The following PDE9A variants were observed in gnomAD, a reference collection of about 807,000 sequenced individuals.
PDE9A encodes the protein high affinity cGMP-specific 3',5'-cyclic phosphodiesterase 9A.
A neutral mutation model predicts 87.4 loss-of-function variants in PDE9A; 60 were observed. The observed-to-expected ratio is 0.69, with a 90% CI of 0.56 to 0.85. The LOEUF (loss-of-function observed/expected upper bound fraction) is 0.85, where lower values mean the gene tolerates loss of function less well. PDE9A is among the 40% of genes least tolerant of loss of function. The pLI is 0.00. For missense variants in PDE9A, 665 were observed against 779.0 expected, an observed-to-expected ratio of 0.85 and a Z score of 1.74; for synonymous variants, 272 against 279.4, an observed-to-expected ratio of 0.97 and a Z score of 0.27.
chr21:42,759,655 G>T lies in PDE9A; in HGVS notation c.897+570G>T, dbSNP rs1389655185. ...TAGGAGTGTGGAGGTGTGTCTGTGT[G>T]TGTCAGTGTGGATGTGTGCATGTGT... On this transcript the variant is annotated intron_variant, in intron 11 of 19. Coordinates refer to ENST00000291539, the MANE Select transcript of PDE9A (RefSeq NM_002606.3). This position sits in a 1 kb window ranked among gnomAD's most constrained non-coding sequence, Gnocchi z 7.2. Among the ~76,000 whole-genome samples, 1 of 151,186 alleles carries T rather than the reference G, an allele frequency of 6.6e-6. No homozygotes were observed. Among genetic ancestry groups the T allele is most frequent in the Non-Finnish European group, 1.5e-5 (1 of 67,734 alleles).
rs2056964808 is a variant in PDE9A, at chr21:42,770,859, C to G, written c.1686+61C>G. The G allele has an allele frequency of 2.3e-6, 3 of 1,292,922 alleles. No homozygotes were observed. The East Asian group carries it at 7.0e-5, about 30-fold the overall frequency. 80.1% of individuals were successfully genotyped at this position (1,292,922 alleles called of 1,614,324 possible). A position where few individuals can be genotyped will look rare whatever the true frequency, so the allele number is the denominator to read the frequency against. On this transcript the variant is annotated intron_variant, in intron 18 of 19. Transcript: ENST00000291539. ...GCAAGCAGGCACGCTGCCCTCCGCA[C>G]TCCCGACTCCAGAAGCTTGGACGTG...
intron 4 of PDE9A, among the ~76,000 whole-genome samples, chr21:42,708,083 T>A (rs1007042797): frequency 1.3e-5 from 2 of 152,230 alleles, no homozygotes; most frequent in Non-Finnish European, 2.9e-5. Flanking sequence ...TGAGAAATAA[T>A]AATGCTCCTT....
chr21:42,774,603 C>T (rs538207953), intron 19 of PDE9A, among the ~76,000 whole-genome samples: 3 of 151,986 alleles, frequency 2.0e-5, no homozygotes, highest in Non-Finnish European at 2.9e-5. Context: ...GTGTGTCGGC[C>T]GGGCACGGTG....
At chr21:42,718,135 A>AG (rs1448359414) in intron 4 of PDE9A, among the ~76,000 whole-genome samples, 1 of 151,572 alleles carries the variant, frequency 6.6e-6, no homozygotes. Flanking sequence ...TCTTGACCTC[A>AG]GGTGATCCAC....
At chr21:42,731,978 C>T (rs768841956) in intron 5 of PDE9A, 29 bp downstream of exon 5, 1 of 1,612,242 alleles carries the variant, frequency 6.2e-7, no homozygotes, top group Admixed American at 1.7e-5. Context: ...GCCACAGCCT[C>T]CACCCCCCAA....
chr21:42,663,738 C>T (rs2057765860), intron 1 of PDE9A, among the ~76,000 whole-genome samples: 1 of 152,178 alleles, frequency 6.6e-6, no homozygotes, highest in Admixed American at 6.5e-5. Context: ...CCCCATGTCC[C>T]TCAGCGCTGT....
chr21:42,664,329 A>T (rs903894430), intron 1 of PDE9A, among the ~76,000 whole-genome samples: 14 of 152,238 alleles, frequency 9.2e-5, no homozygotes, highest in African/African-American at 3.4e-4. Context: ...TGGCACAGGG[A>T]CGTGCCACCT....
At chr21:42,657,408 T>C (rs1452677214) in intron 1 of PDE9A, among the ~76,000 whole-genome samples, 1 of 152,078 alleles carries the variant, frequency 6.6e-6, no homozygotes, top group Non-Finnish European at 1.5e-5. Context: ...AAACCTAGGG[T>C]GCTGAGGTCC....
Position 42,655,406 on chromosome 21 carries a change from G to C in PDE9A, c.69+1523G>C, listed in dbSNP as rs144421583. 8.4e-3 allele frequency among the ~76,000 whole-genome samples: 1,287 copies of C among 152,342 alleles called. 6 individuals are homozygous for C. Among genetic ancestry groups the C allele is most frequent in the Middle Eastern group, 0.027 (8 of 294 alleles). ...TGAAAAGTGGAGGAGAGCTTCAGGA[G>C]GGGTGGGAGGAGGACGCTGGGCATG... is the stretch of plus-strand genomic sequence containing the variant. On this transcript the variant is annotated intron_variant, in intron 1 of 19. Transcript: ENST00000291539.
chr21:42,741,090 T>G (rs896254809), intron 7 of PDE9A: 11 of 152,246 alleles, frequency 7.2e-5, no homozygotes, highest in African/African-American at 2.7e-4. Flanking sequence ...CCAGATCTAC[T>G]CACTTTCAGA....
At chr21:42,689,345 C>T (rs921060925) in intron 3 of PDE9A, among the ~76,000 whole-genome samples, 5 of 152,248 alleles carry the variant, frequency 3.3e-5, no homozygotes, top group African/African-American at 1.2e-4. Flanking sequence ...CACAGTCTGG[C>T]TCTGACTCTT....
chr21:42,766,154 A>G (rs894269935), intron 15 of PDE9A, among the ~76,000 whole-genome samples: 42 of 151,884 alleles, frequency 2.8e-4, no homozygotes, highest in African/African-American at 9.9e-4. Context: ...TATTAGCAAG[A>G]CTCCATCTCC....
chr21:42,742,457 CTTTTT>C (rs60925435), intron 7 of PDE9A, among the ~76,000 whole-genome samples: 6 of 71,540 alleles, frequency 8.4e-5, no homozygotes, highest in East Asian at 1.1e-3. Context: ...AAGCTGTCTG[CTTTTT>C]TTTTTTTTTT....
Position 42,704,075 on chromosome 21 carries a change from C to A in PDE9A, c.262+5064C>A, listed in dbSNP as rs1477091829. Among the ~76,000 whole-genome samples the A allele has an allele frequency of 6.6e-6, 1 of 152,268 alleles. No individual in the cohort carries two copies. The highest frequency in any genetic ancestry group is 2.4e-5 in the African/African-American group (1 of 41,540). ...CCCTCACGGCAGCACGAGGCTGGTA[C>A]GAGACAGGTGCTTCAGGTGTTTGTT... On this transcript the variant is annotated intron_variant, in intron 4 of 19. Transcript: ENST00000291539. The surrounding 1 kb of genome is among the most constrained non-coding windows in gnomAD (Gnocchi z 5.3).
At position 42,698,479 on chromosome 21, in the gene PDE9A, G is replaced by A. The variant is rs182875620; in HGVS notation, c.219-489G>A. 2.2e-3 allele frequency among the ~76,000 whole-genome samples: 332 copies of A among 152,188 alleles called. 2 individuals carry two copies. The highest frequency in any genetic ancestry group is 3.9e-3 in the Non-Finnish European group (267 of 68,006). On this transcript the variant is annotated intron_variant, in intron 3 of 19. Coordinates refer to ENST00000291539, the MANE Select transcript of PDE9A (RefSeq NM_002606.3). ...ACAGCCAGTATTCTCTCCCCATCACGCTGGGCCTCGTGATGATGGGGGGAG... is the reference window on the plus strand; with the variant it reads ...ACAGCCAGTATTCTCTCCCCATCACACTGGGCCTCGTGATGATGGGGGGAG...
intron 8 of PDE9A, among the ~76,000 whole-genome samples, chr21:42,745,995 G>A (rs989148684): frequency 1.8e-4 from 27 of 152,326 alleles, no homozygotes; most frequent in African/African-American, 6.3e-4. Context: ...ACCCACAACT[G>A]TGTGTCCCTG....
intron 7 of PDE9A, 160 bp downstream of exon 7, chr21:42,733,586 A>G: frequency 1.6e-6 from 1 of 613,822 alleles, no homozygotes; most frequent in East Asian, 2.8e-5. Flanking sequence ...AACAAAGGCT[A>G]GCACAGTGAC....
chr21:42,678,147 C>T (rs2058957233), intron 1 of PDE9A, among the ~76,000 whole-genome samples: 2 of 152,246 alleles, frequency 1.3e-5, no homozygotes, highest in Non-Finnish European at 2.9e-5. Context: ...CTCTTCCCTT[C>T]CGGGTGTGGA....
intron 14 of PDE9A, 56 bp from the exon 15 acceptor site, chr21:42,765,325 G>A (rs1296444122): frequency 2.0e-5 from 20 of 998,772 alleles, no homozygotes; most frequent in South Asian, 2.9e-5. Flanking sequence ...GTAGGCCTCC[G>A]CTGAATAATT....
Sources: allele counts gnomAD v4.1 joint callset (sites outside exome capture counted in the v4.1 genomes callset), GRCh38; gene constraint gnomAD v4.1.1; non-coding constraint Gnocchi (gnomAD v3.1); transcripts MANE v1.5; gene names NCBI Gene and HGNC (gene_info 2026-07-23, HGNC 2026-07-21).